Variants in KIAA1217 observed in about 807,000 individuals in gnomAD.
KIAA1217 encodes the protein sickle tail protein homolog.
KIAA1217 carries 88 observed loss-of-function variants against 163.9 expected under a neutral mutation model. The observed-to-expected ratio is 0.54, with a 90% CI of 0.45 to 0.64. KIAA1217 has a LOEUF of 0.64. Ranked by LOEUF, KIAA1217 falls within the 30% of genes least tolerant of loss-of-function variation. The pLI, the probability that KIAA1217 is intolerant of heterozygous loss-of-function variation, is 0.00. For synonymous variants in KIAA1217, 903 were observed against 923.1 expected (o/e 0.98, Z 0.39); for missense variants, 2,372 against 2,475.0 (o/e 0.96, Z 0.88).
intron 1 of KIAA1217, among the ~76,000 whole-genome samples, chr10:23,782,128 G>A (rs1835285804): frequency 6.6e-6 from 1 of 151,948 alleles, no homozygotes; most frequent in Middle Eastern, 3.2e-3. Flanking sequence ...GACAGTGATT[G>A]CATTGTGTCT....
At chr10:24,346,680 T>G (rs2047831434) in intron 2 of KIAA1217, among the ~76,000 whole-genome samples, 2 of 150,204 alleles carry the variant, frequency 1.3e-5, no homozygotes, top group Admixed American at 1.3e-4. Context: ...AAGCGATTCT[T>G]GTGCCTCAGC....
chr10:24,503,107 G>A (rs2067886224), intron 9 of KIAA1217, among the ~76,000 whole-genome samples: 1 of 152,214 alleles, frequency 6.6e-6, no homozygotes, highest in Admixed American at 6.5e-5. Context: ...CACAGCGACA[G>A]CACAAGCCCT....
intron 1 of KIAA1217, among the ~76,000 whole-genome samples, chr10:24,215,032 G>A (rs2068637999): frequency 6.6e-6 from 1 of 152,208 alleles, no homozygotes; most frequent in Admixed American, 6.5e-5. Context: ...TCCTTGAGGA[G>A]GCCCCATCTT....
At chr10:23,957,672 A>C (rs2131366921) in intron 1 of KIAA1217, among the ~76,000 whole-genome samples, 1 of 152,284 alleles carries the variant, frequency 6.6e-6, no homozygotes, top group South Asian at 2.1e-4. Flanking sequence ...CAGTGAGCCG[A>C]GATCGGGCCA....
In KIAA1217 at chr10:24,216,215, C is replaced by T. The variant is rs146478088; in HGVS notation, c.71-3411C>T. 1.6e-3 allele frequency among the ~76,000 whole-genome samples: 247 copies of T among 152,290 alleles called. 1 individual carries two copies. The highest frequency in any genetic ancestry group is 4.3e-3 in the South Asian group (21 of 4,830). On this transcript the variant is annotated intron_variant, in intron 1 of 20. Transcript: ENST00000376454. ...TCTCCCCTTCCATCTCCCTTCCCAACTCATTTCAAAGAAGAAAGAGGGTTT... is the reference window on the plus strand; with the variant it reads ...TCTCCCCTTCCATCTCCCTTCCCAATTCATTTCAAAGAAGAAAGAGGGTTT...
chr10:24,450,619 C>T (rs1226535071), intron 5 of KIAA1217, among the ~76,000 whole-genome samples: 1 of 152,270 alleles, frequency 6.6e-6, no homozygotes, highest in East Asian at 1.9e-4. Context: ...ATATCTTTAT[C>T]CCAGTTTATA....
At chr10:24,402,239 A>G (rs537121437) in intron 3 of KIAA1217, among the ~76,000 whole-genome samples, 35 of 152,064 alleles carry the variant, frequency 2.3e-4, no homozygotes, top group Non-Finnish European at 3.1e-4. Context: ...AGGCGCAGTG[A>G]CTCACGCCTG....
intron 1 of KIAA1217, among the ~76,000 whole-genome samples, chr10:23,892,815 C>T (rs1841471462): frequency 6.6e-6 from 1 of 151,890 alleles, no homozygotes; most frequent in African/African-American, 2.4e-5. Flanking sequence ...AATAAACCCA[C>T]AGCTTAAAAT....
intron 8 of KIAA1217, among the ~76,000 whole-genome samples, chr10:24,497,852 G>T (rs1261347981): frequency 2.0e-5 from 3 of 151,816 alleles, no homozygotes; most frequent in East Asian, 1.9e-4. Flanking sequence ...GGGGATGAGG[G>T]ATAAAAAAAA....
At chr10:24,116,055 C>G (rs911413718) in intron 2 of KIAA1217, among the ~76,000 whole-genome samples, 2 of 152,110 alleles carry the variant, frequency 1.3e-5, no homozygotes, top group African/African-American at 4.8e-5. Flanking sequence ...TCTGACTTCC[C>G]TCGTTGACAG....
chr10:24,443,107 T>C (rs2060635545), intron 5 of KIAA1217, among the ~76,000 whole-genome samples: 1 of 152,090 alleles, frequency 6.6e-6, no homozygotes, highest in South Asian at 2.1e-4. Flanking sequence ...AATGGGATTT[T>C]GCCATGTTGG....
At chr10:24,237,719 G>T (rs958612775) in intron 2 of KIAA1217, among the ~76,000 whole-genome samples, 19 of 152,166 alleles carry the variant, frequency 1.2e-4, no homozygotes, top group African/African-American at 4.3e-4. Flanking sequence ...TGTTGTGTTT[G>T]TGCCCCACTG....
At chr10:23,724,038 T>C (rs1246976479) in intron 1 of KIAA1217, among the ~76,000 whole-genome samples, 2 of 152,042 alleles carry the variant, frequency 1.3e-5, no homozygotes, top group Non-Finnish European at 2.9e-5. Flanking sequence ...AGCGGGGAGA[T>C]GCTACACACT....
intron 2 of KIAA1217, among the ~76,000 whole-genome samples, chr10:24,380,266 CT>C (rs1357153559): frequency 1.3e-5 from 2 of 152,142 alleles, no homozygotes; most frequent in South Asian, 2.1e-4. Context: ...TTTGCTGTCA[CT>C]TTCTTATAAT....
chr10:23,934,472 A>C (rs1843389627), intron 1 of KIAA1217, among the ~76,000 whole-genome samples: 1 of 147,534 alleles, frequency 6.8e-6, no homozygotes, highest in Non-Finnish European at 1.5e-5. Flanking sequence ...ACAAATCTGC[A>C]CATTCTGCAC....
intron 1 of KIAA1217, among the ~76,000 whole-genome samples, chr10:23,853,425 A>T (rs1163454498): frequency 6.6e-6 from 1 of 152,126 alleles, no homozygotes. Flanking sequence ...TCAGTATTTT[A>T]TTGAGGATTT....
At chr10:23,716,002 G>A (rs1187255858) in intron 1 of KIAA1217, among the ~76,000 whole-genome samples, 1 of 152,096 alleles carries the variant, frequency 6.6e-6, no homozygotes, top group East Asian at 1.9e-4. Flanking sequence ...AGAAATTGAG[G>A]CACAAATGAT....
At chr10:24,405,282 ACTTT>A (rs1276129058) in intron 3 of KIAA1217, among the ~76,000 whole-genome samples, 1 of 152,174 alleles carries the variant, frequency 6.6e-6, no homozygotes, top group East Asian at 1.9e-4. Context: ...TTTCTTTGCA[ACTTT>A]CTTATTATAA....
At chr10:23,824,654 AAAAAAT>A (rs1837801114) in intron 1 of KIAA1217, among the ~76,000 whole-genome samples, 196 of 100,984 alleles carry the variant, frequency 1.9e-3, no homozygotes, top group African/African-American at 9.5e-3. Context: ...AAAAAAATAA[AAAAAAT>A]ATATATATAT....
Sources: gnomAD v4.1 joint callset for allele counts (sites outside exome capture counted in the v4.1 genomes callset) on GRCh38, gnomAD v4.1.1 for gene constraint, MANE v1.5 for transcripts, NCBI Gene and HGNC (gene_info 2026-07-23, HGNC 2026-07-21) for gene names.